Variants in SFSWAP observed in about 807,000 individuals in gnomAD.
The protein encoded by SFSWAP is splicing factor SWAP.
A neutral mutation model predicts 100.7 loss-of-function variants in SFSWAP; 17 were observed. The ratio of observed to expected loss-of-function variants is 0.17; its 90% confidence interval spans 0.12 to 0.25. The LOEUF is 0.25. Ranked by LOEUF, SFSWAP falls within the 10% of genes least tolerant of loss-of-function variation. The pLI is 1.00. For synonymous variants in SFSWAP, 504 were observed against 510.1 expected (o/e 0.99, Z 0.16); for missense variants, 1,005 against 1,262.6 (o/e 0.80, Z 3.09).
At chr12:131,781,234 A>ATTTTTTTTTTTTT (rs66608201) in intron 14 of SFSWAP, among the ~76,000 whole-genome samples, 1 of 102,296 alleles carries the variant, frequency 9.8e-6, no homozygotes. Flanking sequence ...ATATCTTATT[A>ATTTTTTTTTTTTT]TTTTTTTTTT....
intron 7 of SFSWAP, among the ~76,000 whole-genome samples, chr12:131,744,541 A>G (rs1175122074): frequency 6.6e-6 from 1 of 152,196 alleles, no homozygotes; most frequent in Non-Finnish European, 1.5e-5. Context: ...TCCTGTCACT[A>G]TCAGCATTTT....
chr12:131,766,354 T>A, intron 13 of SFSWAP, 46 bp downstream of exon 13: 1 of 1,558,492 alleles, frequency 6.4e-7, no homozygotes, highest in Non-Finnish European at 8.8e-7. Context: ...GTGTGATACA[T>A]AGAGGCAGGG....
At chr12:131,782,766 A>G (rs1884594118) in intron 14 of SFSWAP, among the ~76,000 whole-genome samples, 1 of 152,204 alleles carries the variant, frequency 6.6e-6, no homozygotes, top group Non-Finnish European at 1.5e-5. Flanking sequence ...TGTCTAAGTT[A>G]TGGGCGACTC....
chr12:131,723,210 A>G (rs983131212), intron 4 of SFSWAP: 3 of 152,152 alleles, frequency 2.0e-5, no homozygotes, highest in African/African-American at 7.2e-5. Flanking sequence ...ATGTTGATTT[A>G]TTCTTGAATT....
At chr12:131,720,715 T>G (rs1878394555) in intron 4 of SFSWAP, among the ~76,000 whole-genome samples, 5 of 152,244 alleles carry the variant, frequency 3.3e-5, no homozygotes, top group African/African-American at 1.2e-4. Context: ...TTACCCTTCA[T>G]TAATCTGATG....
chr12:131,797,419 T>A, intron 16 of SFSWAP, 59 bp downstream of exon 16: 2 of 1,449,066 alleles, frequency 1.4e-6, no homozygotes. Context: ...CCAGCAGGAC[T>A]CTCCCTCCTC....
chr12:131,774,547 T>C (rs904481172), intron 13 of SFSWAP, among the ~76,000 whole-genome samples: 1 of 152,202 alleles, frequency 6.6e-6, no homozygotes, highest in Non-Finnish European at 1.5e-5. Flanking sequence ...TCTGCCCCCC[T>C]ACATTCAAAC....
In SFSWAP at chr12:131,714,081, C is replaced by T. The variant is rs772627413; in HGVS notation, c.229C>T (p.Arg77Cys). 1 of 1,612,854 alleles carries T rather than the reference C, an allele frequency of 6.2e-7. No individual in the cohort carries two copies. Reference sequence around the variant, plus strand: ...TTGTTCACATTACAGATATGATGGACGTGGTCACCTGCATGACCTTTCTGA... The same window carrying T: ...TTGTTCACATTACAGATATGATGGATGTGGTCACCTGCATGACCTTTCTGA... ...HKILIDRYDGRGHLHDLSEYD... is the reference protein window; with the variant it reads ...HKILIDRYDGCGHLHDLSEYD... The change falls in exon 2 of 18, where the codon CGT (arginine) becomes TGT (cysteine). Residue 77 changes from arginine to cysteine, a missense_variant. By Grantham distance (180) the Arg-to-Cys change is radical. Around this residue, in one of 7 missense-constraint regions of SFSWAP, gnomAD observed 237 missense variants for 337.0 expected, o/e 0.70. Transcript: ENST00000261674. This position sits in a 1 kb window ranked among gnomAD's most constrained non-coding sequence, Gnocchi z 6.0.
intron 7 of SFSWAP, among the ~76,000 whole-genome samples, chr12:131,740,817 G>A (rs1447160016): frequency 2.0e-5 from 3 of 152,126 alleles, no homozygotes; most frequent in Non-Finnish European, 4.4e-5. Context: ...CTTCAGCCCT[G>A]CAGCTGCCCA....
chr12:131,753,445 G>T, intron 8 of SFSWAP, 82 bp downstream of exon 8: 4 of 1,492,452 alleles, frequency 2.7e-6, no homozygotes, highest in Non-Finnish European at 2.7e-6. Flanking sequence ...TCCATGGGGG[G>T]CTTGTAATCT....
Position 131,778,146 on chromosome 12 carries a change from T to C in SFSWAP, c.2224T>C (p.Ser742Pro), listed in dbSNP as rs1371611523. ...AGAAGTTAAACCACCCGATAGGCCT[T>C]CGAGCAAAAGCAAAGATCCACCGAG... Reference protein sequence around the residue: ...TLEVKPPDRPSSKSKDPPREE... With the variant: ...TLEVKPPDRPPSKSKDPPREE... The change falls in exon 14 of 18, where the codon TCG becomes CCG. Residue 742 changes from serine to proline, a missense_variant. By Grantham distance (74) the Ser-to-Pro change is moderately conservative. Transcript: ENST00000261674. The surrounding 1 kb of genome is among the most constrained non-coding windows in gnomAD (Gnocchi z 4.2). The C allele has an allele frequency of 6.2e-7, 1 of 1,613,644 alleles. No individual in the cohort carries two copies. Among genetic ancestry groups the C allele is most frequent in the East Asian group, 2.2e-5 (1 of 44,850 alleles).
chr12:131,782,874 T>G (rs912828670), intron 14 of SFSWAP, among the ~76,000 whole-genome samples: 1 of 152,146 alleles, frequency 6.6e-6, no homozygotes, highest in Admixed American at 6.5e-5. Context: ...CAAGGTAGTA[T>G]TTAGTGTCTT....
At chr12:131,743,487 C>T (rs1880844347) in intron 7 of SFSWAP, among the ~76,000 whole-genome samples, 1 of 152,234 alleles carries the variant, frequency 6.6e-6, no homozygotes, top group Admixed American at 6.5e-5. Context: ...CCAAAATGAC[C>T]TTTGACTCCA....
chr12:131,756,034 A>T (rs1317313289), intron 10 of SFSWAP, among the ~76,000 whole-genome samples: 2 of 152,168 alleles, frequency 1.3e-5, no homozygotes, highest in African/African-American at 4.8e-5. Flanking sequence ...ACACCCTGAC[A>T]TTTTTGTAAA....
At chr12:131,717,251 ATTGT>A (rs777793065) in intron 3 of SFSWAP, among the ~76,000 whole-genome samples, 11 of 152,162 alleles carry the variant, frequency 7.2e-5, no homozygotes, top group Non-Finnish European at 1.5e-4. Flanking sequence ...ACTGTATTGT[ATTGT>A]TTGTTAGTAT....
At chr12:131,789,939 G>A (rs968267288) in intron 15 of SFSWAP, among the ~76,000 whole-genome samples, 2 of 152,276 alleles carry the variant, frequency 1.3e-5, no homozygotes, top group East Asian at 1.9e-4. Context: ...CCCCACCAGC[G>A]AGGAATCCAG....
chr12:131,747,024 A>G (rs1476708836), intron 7 of SFSWAP, among the ~76,000 whole-genome samples: 1 of 148,774 alleles, frequency 6.7e-6, no homozygotes, highest in Non-Finnish European at 1.5e-5. Flanking sequence ...GAATGGCATC[A>G]ACCCGGGAGG....
chr12:131,726,991 A>G lies in SFSWAP; in HGVS notation c.884A>G (p.Asn295Ser). ...GATGATGATGATGAAGAAGATGGGA[A>G]TTACCTTCATCCCTCTCTCTTTGCC... is the stretch of plus-strand genomic sequence containing the variant. ...NEDDDDEEDGNYLHPSLFASK... is the reference protein window; with the variant it reads ...NEDDDDEEDGSYLHPSLFASK... Residue 295 changes from asparagine to serine, a missense_variant, in exon 6 of 18, where the codon AAT becomes AGT. Around this residue, in one of 7 missense-constraint regions of SFSWAP, gnomAD observed 54 missense variants for 51.9 expected, o/e 1.04. Coordinates refer to ENST00000261674, the MANE Select transcript of SFSWAP (RefSeq NM_004592.4). The G allele has an allele frequency of 6.2e-7, 1 of 1,608,846 alleles. No homozygotes were observed. The highest frequency in any genetic ancestry group is 8.5e-7 in the Non-Finnish European group (1 of 1,177,724).
chr12:131,776,915 C>T (rs1385234585), intron 13 of SFSWAP, among the ~76,000 whole-genome samples: 2 of 152,206 alleles, frequency 1.3e-5, no homozygotes, highest in African/African-American at 4.8e-5. Flanking sequence ...GATCTGGTTC[C>T]GATGCGCTGT....
Sources: allele counts gnomAD v4.1 joint callset (sites outside exome capture counted in the v4.1 genomes callset), GRCh38; gene constraint gnomAD v4.1.1; regional missense constraint gnomAD v4.1.1; non-coding constraint Gnocchi (gnomAD v3.1); transcripts MANE v1.5; gene names NCBI Gene and HGNC (gene_info 2026-07-23, HGNC 2026-07-21).